Variants in KTN1 observed in about 807,000 individuals in gnomAD.
KTN1 encodes the protein kinectin.
Under a neutral mutation model 222.5 loss-of-function variants are expected in KTN1, and 130 were observed. That is an observed-to-expected ratio of 0.58 (90% CI 0.51 to 0.68). KTN1 has a LOEUF of 0.68. Among genes scored for constraint, KTN1 ranks in the 30% least tolerant of loss-of-function variants. The pLI is 0.00. For missense variants in KTN1, 1,508 were observed against 1,500.4 expected, an observed-to-expected ratio of 1.01 and a Z score of -0.08; for synonymous variants, 512 against 496.3, an observed-to-expected ratio of 1.03 and a Z score of -0.42.
chr14:55,582,327 G>T (rs2031873454), intron 1 of KTN1, among the ~76,000 whole-genome samples: 1 of 152,020 alleles, frequency 6.6e-6, no homozygotes, highest in Non-Finnish European at 1.5e-5. Context: ...CTAGTTTATA[G>T]GCTTTAATCT....
chr14:55,602,739 G>A (rs1486497335), intron 1 of KTN1, among the ~76,000 whole-genome samples: 1 of 151,918 alleles, frequency 6.6e-6, no homozygotes, highest in African/African-American at 2.4e-5. Flanking sequence ...ATGCCACCAC[G>A]TCTAGCTAAT....
At chr14:55,630,648 A>G (rs1253278045) in intron 7 of KTN1, among the ~76,000 whole-genome samples, 1 of 152,152 alleles carries the variant, frequency 6.6e-6, no homozygotes, top group Non-Finnish European at 1.5e-5. Flanking sequence ...TGGAATGAAG[A>G]AGGGATATTG....
intron 32 of KTN1, chr14:55,661,845 A>G (rs1026582283): frequency 1.0e-5 from 3 of 301,494 alleles, no homozygotes; most frequent in Admixed American, 9.9e-5. Flanking sequence ...TGTTGAAGCT[A>G]TAATTATTAT....
intron 10 of KTN1, among the ~76,000 whole-genome samples, 160 bp downstream of exon 10, chr14:55,636,696 AG>A (rs2041164592): frequency 2.0e-5 from 3 of 152,104 alleles, no homozygotes; most frequent in African/African-American, 7.2e-5. Context: ...GACATTTGTT[AG>A]GGTTTTAAAA....
intron 1 of KTN1, among the ~76,000 whole-genome samples, chr14:55,600,301 A>C (rs2035778235): frequency 6.6e-6 from 1 of 151,908 alleles, no homozygotes; most frequent in African/African-American, 2.4e-5. Flanking sequence ...AAGGATGATA[A>C]ATTTTTGTGA....
At chr14:55,591,581 C>CTTTTTTTT (rs71131297) in intron 1 of KTN1, among the ~76,000 whole-genome samples, 46 of 87,700 alleles carry the variant, frequency 5.2e-4, no homozygotes, top group African/African-American at 7.1e-4. Context: ...TTCTCTCTTT[C>CTTTTTTTT]TTTTTTTTTT....
intron 1 of KTN1, among the ~76,000 whole-genome samples, chr14:55,584,131 T>G (rs949420473): frequency 2.0e-5 from 3 of 152,198 alleles, no homozygotes; most frequent in African/African-American, 7.2e-5. Context: ...TACAGTGACT[T>G]TCTCTATGCA....
At chr14:55,584,367 T>C (rs1232472044) in intron 1 of KTN1, among the ~76,000 whole-genome samples, 1 of 152,178 alleles carries the variant, frequency 6.6e-6, no homozygotes, top group African/African-American at 2.4e-5. Flanking sequence ...ATAGAAGTTG[T>C]GTAATAGTGT....
At chr14:55,586,310 C>T (rs1312227358) in intron 1 of KTN1, among the ~76,000 whole-genome samples, 1 of 152,166 alleles carries the variant, frequency 6.6e-6, no homozygotes, top group African/African-American at 2.4e-5. Flanking sequence ...CCTATATTAA[C>T]CTGCCTAAGG....
chr14:55,652,749 T>A, intron 25 of KTN1, 101 bp from the exon 26 acceptor site: 2 of 722,194 alleles, frequency 2.8e-6, no homozygotes, highest in African/African-American at 3.6e-5. Context: ...TCAGCTGGTC[T>A]GTGAGTACTA....
intron 31 of KTN1, 95 bp downstream of exon 31, chr14:55,659,798 G>T: frequency 1.4e-6 from 1 of 729,410 alleles, no homozygotes; most frequent in Non-Finnish European, 2.4e-6. Flanking sequence ...ACTGCAAATG[G>T]CACCTGATTT....
chr14:55,612,815 G>C (rs2037781236), intron 2 of KTN1, among the ~76,000 whole-genome samples: 1 of 152,028 alleles, frequency 6.6e-6, no homozygotes, highest in Non-Finnish European at 1.5e-5. Flanking sequence ...CACATTGGGA[G>C]GCTGAAGTGG....
intron 41 of KTN1, among the ~76,000 whole-genome samples, chr14:55,676,657 C>T (rs1409023163): frequency 2.0e-5 from 3 of 152,086 alleles, no homozygotes; most frequent in African/African-American, 7.2e-5. Context: ...TTTCCCTATA[C>T]CCTCACCAAT....
chr14:55,593,959 G>A (rs904747022), intron 1 of KTN1, among the ~76,000 whole-genome samples: 3 of 151,958 alleles, frequency 2.0e-5, no homozygotes, highest in Non-Finnish European at 4.4e-5. Flanking sequence ...GAACTATCCA[G>A]CCATCTTCCT....
At chr14:55,589,760 G>A (rs1211038360) in intron 1 of KTN1, among the ~76,000 whole-genome samples, 1 of 145,926 alleles carries the variant, frequency 6.9e-6, no homozygotes, top group African/African-American at 2.5e-5. Flanking sequence ...CCAGGTTCAA[G>A]TGATTCTCCT....
chr14:55,623,609 A>T (rs1196026392), intron 5 of KTN1, among the ~76,000 whole-genome samples: 3 of 152,208 alleles, frequency 2.0e-5, no homozygotes, highest in Non-Finnish European at 4.4e-5. Flanking sequence ...GAGCTCAATC[A>T]GTCGTCCTGC....
chr14:55,661,867 T>C (rs2044183032), intron 32 of KTN1: 2 of 255,424 alleles, frequency 7.8e-6, no homozygotes, highest in Admixed American at 1.1e-4. Context: ...CCTTTAGTTA[T>C]TTTAAAAAGC....
At chr14:55,598,049 A>G (rs539633112) in intron 1 of KTN1, among the ~76,000 whole-genome samples, 2 of 152,182 alleles carry the variant, frequency 1.3e-5, no homozygotes, top group Non-Finnish European at 2.9e-5. Context: ...CAGAGAGGGA[A>G]AACTCTTTGC....
chr14:55,602,491 A>C (rs1455610646), intron 1 of KTN1, among the ~76,000 whole-genome samples: 2 of 152,238 alleles, frequency 1.3e-5, no homozygotes, highest in African/African-American at 4.8e-5. Context: ...CCTGCATTCA[A>C]AAACTTCAGT....
Sources: allele counts gnomAD v4.1 joint callset (sites outside exome capture counted in the v4.1 genomes callset), GRCh38; gene constraint gnomAD v4.1.1; transcripts MANE v1.5; gene names NCBI Gene and HGNC (gene_info 2026-07-23, HGNC 2026-07-21).